LRP1B: variants seen among roughly 807,000 people sequenced by gnomAD.
LRP1B encodes the protein LDL receptor related protein 1B.
A neutral mutation model predicts 556.6 loss-of-function variants in LRP1B; 217 were observed. The observed-to-expected ratio is 0.39, with a 90% CI of 0.35 to 0.44. The LOEUF is 0.44. Among genes scored for constraint, LRP1B ranks in the 20% least tolerant of loss-of-function variants. LRP1B has a pLI of 1.00. For missense variants in LRP1B, 5,053 were observed against 5,620.8 expected, an observed-to-expected ratio of 0.90 and a Z score of 3.23; for synonymous variants, 2,047 against 1,865.8, an observed-to-expected ratio of 1.10 and a Z score of -2.50.
rs1428663100 is a variant in LRP1B, at chr2:140,972,079, C to T, written c.2887+10081G>A. On this transcript the variant is annotated intron_variant, in intron 18 of 90. Transcript: ENST00000389484. The stretch of plus-strand genomic sequence containing the variant: ...ATGGCTTTGAAAATATCCCTCGAGG[C>T]TTTAACCTCCCACTTTTCTGCAGAC... Among the ~76,000 whole-genome samples, 5 of 152,156 alleles carry T rather than the reference C, an allele frequency of 3.3e-5. No individual in the cohort carries two copies. In the East Asian group the frequency reaches 9.6e-4, roughly 29 times the overall value.
chr2:141,912,793 AACATTGTTAG>A (rs1699938186), intron 1 of LRP1B, among the ~76,000 whole-genome samples: 1 of 152,140 alleles, frequency 6.6e-6, no homozygotes, highest in African/African-American at 2.4e-5. Context: ...TGTACAAATA[AACATTGTTAG>A]ACTAACCCTT....
chr2:140,606,710 T>C (rs1682879829), intron 41 of LRP1B, among the ~76,000 whole-genome samples: 1 of 152,022 alleles, frequency 6.6e-6, no homozygotes, highest in African/African-American at 2.4e-5. Context: ...CTCAAATATA[T>C]AGTACTCCCA....
chr2:140,746,341 C>G (rs958233270), intron 35 of LRP1B, among the ~76,000 whole-genome samples: 2 of 152,114 alleles, frequency 1.3e-5, no homozygotes, highest in Non-Finnish European at 2.9e-5. Flanking sequence ...GAAACTAAAA[C>G]GAATCATTTT....
At chr2:141,919,908 A>G (rs1231942168) in intron 1 of LRP1B, among the ~76,000 whole-genome samples, 3 of 152,040 alleles carry the variant, frequency 2.0e-5, no homozygotes, top group Non-Finnish European at 4.4e-5. Flanking sequence ...AGTTCAATAG[A>G]GAAATGTCAA....
intron 1 of LRP1B, among the ~76,000 whole-genome samples, chr2:141,875,049 G>T (rs970258039): frequency 1.3e-5 from 2 of 151,614 alleles, no homozygotes; most frequent in Non-Finnish European, 2.9e-5. Flanking sequence ...ACTGCTCATG[G>T]TAGAAAATAT....
intron 7 of LRP1B, among the ~76,000 whole-genome samples, chr2:141,181,301 G>T (rs1319099652): frequency 6.6e-6 from 1 of 151,706 alleles, no homozygotes; most frequent in Non-Finnish European, 1.5e-5. Context: ...ACAGAGCAAA[G>T]AAATAGAAAA....
intron 66 of LRP1B, among the ~76,000 whole-genome samples, chr2:140,413,088 G>T (rs1420058201): frequency 1.3e-5 from 2 of 151,958 alleles, no homozygotes; most frequent in South Asian, 2.1e-4. Context: ...ATATATTATT[G>T]GTATAAAGTA....
At chr2:141,108,112 T>G (rs1257614894) in intron 7 of LRP1B, among the ~76,000 whole-genome samples, 1 of 152,086 alleles carries the variant, frequency 6.6e-6, no homozygotes. Context: ...AAGTCAACAC[T>G]AAAGGAGGAA....
chr2:141,549,309 T>C (rs1685667201), intron 2 of LRP1B, among the ~76,000 whole-genome samples: 2 of 152,150 alleles, frequency 1.3e-5, no homozygotes, highest in South Asian at 4.1e-4. Flanking sequence ...GCCTTTAGGA[T>C]AGAAGCTGGC....
intron 1 of LRP1B, among the ~76,000 whole-genome samples, chr2:141,939,716 C>T (rs905003759): frequency 2.6e-5 from 4 of 151,976 alleles, no homozygotes; most frequent in African/African-American, 7.2e-5. Context: ...AATGGTATAT[C>T]ACTGTTCATC....
At chr2:140,682,244 T>C (rs1366582283) in intron 41 of LRP1B, among the ~76,000 whole-genome samples, 1 of 152,200 alleles carries the variant, frequency 6.6e-6, no homozygotes, top group African/African-American at 2.4e-5. Context: ...CACTTTACTA[T>C]GTGTGCTGTA....
At chr2:141,161,729 A>G (rs144320293) in intron 7 of LRP1B, among the ~76,000 whole-genome samples, 2,249 of 152,218 alleles carry the variant, frequency 0.015, 23 homozygotes, top group Middle Eastern at 0.041. Context: ...CTTTAGGGCA[A>G]AGTTGTGCTT....
chr2:140,741,004 T>G (rs405026), intron 35 of LRP1B, among the ~76,000 whole-genome samples: 1 of 152,198 alleles, frequency 6.6e-6, no homozygotes, highest in Admixed American at 6.6e-5. Flanking sequence ...GGTATCTTCA[T>G]GCCTCTCAGA....
chr2:141,468,345 C>T (rs1341891076), intron 3 of LRP1B, among the ~76,000 whole-genome samples: 1 of 152,068 alleles, frequency 6.6e-6, no homozygotes, highest in African/African-American at 2.4e-5. Flanking sequence ...ACAAATGAAA[C>T]AAACCCAGTT....
At chr2:140,387,302 G>C (rs1395333815) in intron 66 of LRP1B, among the ~76,000 whole-genome samples, 1 of 152,134 alleles carries the variant, frequency 6.6e-6, no homozygotes, top group African/African-American at 2.4e-5. Flanking sequence ...AAGCAAAAGT[G>C]ACTTAGGTAT....
chr2:140,926,520 A>G (rs1475583081), intron 20 of LRP1B, among the ~76,000 whole-genome samples: 1 of 151,850 alleles, frequency 6.6e-6, no homozygotes, highest in Non-Finnish European at 1.5e-5. Context: ...TAAAAAAAAA[A>G]TCTGTACATA....
intron 66 of LRP1B, among the ~76,000 whole-genome samples, chr2:140,420,298 G>A (rs972440123): frequency 4.6e-5 from 7 of 152,258 alleles, no homozygotes; most frequent in African/African-American, 1.7e-4. Context: ...ACAAAATGCT[G>A]TAAAATATCA....
chr2:140,430,350 T>G (rs1023353771), intron 66 of LRP1B, among the ~76,000 whole-genome samples: 3 of 152,198 alleles, frequency 2.0e-5, no homozygotes, highest in African/African-American at 7.2e-5. Context: ...TGCTGTTATA[T>G]GCGCTGAAAG....
chr2:141,709,680 A>G (rs1023703266), intron 2 of LRP1B, among the ~76,000 whole-genome samples: 1 of 152,174 alleles, frequency 6.6e-6, no homozygotes, highest in South Asian at 2.1e-4. Flanking sequence ...AAATAAGGAC[A>G]CAAAGCCATC....
Sources: allele counts gnomAD v4.1 joint callset (sites outside exome capture counted in the v4.1 genomes callset), GRCh38; gene constraint gnomAD v4.1.1; transcripts MANE v1.5; gene names NCBI Gene and HGNC (gene_info 2026-07-23, HGNC 2026-07-21).